NPIPB11: variants seen among roughly 807,000 people sequenced by gnomAD.
The protein encoded by NPIPB11 is nuclear pore complex interacting protein family member B11.
In NPIPB11, 17 loss-of-function variants were observed where a neutral mutation model predicts 32.8. That is an observed-to-expected ratio of 0.52 (90% CI 0.35 to 0.78). The LOEUF is 0.78. Among genes scored for constraint, NPIPB11 ranks in the 30% least tolerant of loss-of-function variants. NPIPB11 has a pLI of 0.01. For synonymous variants in NPIPB11, 209 were observed against 398.4 expected, an observed-to-expected ratio of 0.52 and a Z score of 5.66; for missense variants, 537 against 1,000.4, an observed-to-expected ratio of 0.54 and a Z score of 6.25.
chr16:29,382,306 G>T (rs776006462), exon 8 of NPIPB11: 14 of 1,590,074 alleles, frequency 8.8e-6, no homozygotes, highest in Non-Finnish European at 1.1e-5. Flanking sequence ...CTCGGCAGGT[G>T]TCTTGATATT....
chr16:29,406,538 A>T (rs1214715167), upstream of NPIPB11, among the ~76,000 whole-genome samples: 11 of 152,108 alleles, frequency 7.2e-5, no homozygotes, highest in Non-Finnish European at 1.6e-4. Context: ...ATAGAGTGAA[A>T]CCCTGTCTCC....
chr16:29,397,638 C>T (rs552382570), intron 2 of NPIPB11: 77 of 1,444,838 alleles, frequency 5.3e-5, no homozygotes, highest in Admixed American at 3.2e-4. Context: ...CCACCGCCCC[C>T]GCATGTCCTG....
At chr16:29,389,194 CAA>C (rs1166217249) in intron 5 of NPIPB11, among the ~76,000 whole-genome samples, 17 of 50,326 alleles carry the variant, frequency 3.4e-4, no homozygotes, top group South Asian at 2.6e-3. Context: ...GACTCTGTCT[CAA>C]AAAAAAAAAA....
chr16:29,393,613 A>G (rs1201599053), intron 3 of NPIPB11, among the ~76,000 whole-genome samples: 6 of 150,280 alleles, frequency 4.0e-5, no homozygotes. Flanking sequence ...CCTTCCACCC[A>G]TACGATAGAA....
intron 3 of NPIPB11, among the ~76,000 whole-genome samples, chr16:29,393,396 C>T (rs1205768100): frequency 6.6e-6 from 1 of 151,760 alleles, no homozygotes; most frequent in Non-Finnish European, 1.5e-5. Context: ...CATTTGCTGC[C>T]CCTCTAAATG....
chr16:29,391,668 G>A (rs1164835392), intron 3 of NPIPB11, among the ~76,000 whole-genome samples: 2 of 152,204 alleles, frequency 1.3e-5, no homozygotes, highest in African/African-American at 2.4e-5. Context: ...AAAATGCAAT[G>A]CAAATCCCAT....
chr16:29,382,314 A>T (rs764534998), exon 8 of NPIPB11: 2 of 1,579,590 alleles, frequency 1.3e-6, no homozygotes, highest in African/African-American at 3.0e-5. Flanking sequence ...GTGTCTTGAT[A>T]TTATCATCTG....
intron 2 of NPIPB11, among the ~76,000 whole-genome samples, chr16:29,402,999 G>A (rs1164408592): frequency 6.6e-6 from 1 of 150,610 alleles, no homozygotes; most frequent in Non-Finnish European, 1.5e-5. Flanking sequence ...ATGTACTATA[G>A]AATGTATTTA....
chr16:29,391,017 C>T (rs1309912096), intron 3 of NPIPB11, among the ~76,000 whole-genome samples: 2 of 151,138 alleles, frequency 1.3e-5, no homozygotes, highest in East Asian at 1.9e-4. Flanking sequence ...GCCTGTAATC[C>T]CAACACTTTG....
At chr16:29,399,948 C>A (rs3867589) in intron 2 of NPIPB11, among the ~76,000 whole-genome samples, 2 of 151,046 alleles carry the variant, frequency 1.3e-5, no homozygotes, top group African/African-American at 2.4e-5. Context: ...ACGGTGGCAC[C>A]CGCCTGTAAT....
intron 2 of NPIPB11, among the ~76,000 whole-genome samples, chr16:29,397,134 G>A (rs1202675986): frequency 1.3e-5 from 2 of 148,344 alleles, no homozygotes; most frequent in Admixed American, 6.7e-5. Flanking sequence ...TCTTGCCACT[G>A]CACTCCAGCC....
chr16:29,402,005 C>T (rs1183281503), intron 2 of NPIPB11, among the ~76,000 whole-genome samples: 3 of 151,392 alleles, frequency 2.0e-5, no homozygotes, highest in Non-Finnish European at 4.4e-5. Flanking sequence ...ACTAGCCTGC[C>T]GTCAGAACAT....
intron 3 of NPIPB11, among the ~76,000 whole-genome samples, chr16:29,392,045 T>C (rs1235761518): frequency 1.3e-5 from 2 of 151,998 alleles, no homozygotes; most frequent in East Asian, 3.9e-4. Context: ...AAATTCTTTG[T>C]AGAATTTGTT....
In NPIPB11 at chr16:29,397,737, A is replaced by T. The variant is rs1188128797; in HGVS notation, c.121-3661T>A. The T allele has an allele frequency of 1.3e-4, 36 of 270,892 alleles. 2 individuals carry two copies. The East Asian group carries it at 4.3e-3, about 32-fold the overall frequency. 16.8% of individuals were successfully genotyped at this position (270,892 alleles called of 1,614,324 possible). A position where few individuals can be genotyped will look rare whatever the true frequency, so the allele number is the denominator to read the frequency against. ...GGAAGGGGACGGGGACCGGGCCCGGATCTGAGTTGGGGAGGGGGAGGGGAG... is the reference window on the plus strand; with the variant it reads ...GGAAGGGGACGGGGACCGGGCCCGGTTCTGAGTTGGGGAGGGGGAGGGGAG... On this transcript the variant is annotated intron_variant, in intron 2 of 7. Coordinates refer to ENST00000524087, the Ensembl canonical transcript of NPIPB11.
At chr16:29,397,545 C>A (rs553947254) in intron 2 of NPIPB11, 46 of 1,522,054 alleles carry the variant, frequency 3.0e-5, no homozygotes, top group Non-Finnish European at 3.7e-5. Context: ...GGAAGAAACC[C>A]CGAGGGTCCA....
intron 3 of NPIPB11, among the ~76,000 whole-genome samples, chr16:29,390,616 C>T (rs933075116): frequency 2.0e-5 from 3 of 149,402 alleles, no homozygotes; most frequent in Non-Finnish European, 3.0e-5. Flanking sequence ...CACACCACTG[C>T]ACTCCAGCCT....
Position 29,390,207 on chromosome 16 carries a change from C to A in NPIPB11, c.349+42G>T, listed in dbSNP as rs555668726. 720 of 1,579,724 alleles carry A rather than the reference C, an allele frequency of 4.6e-4. 6 individuals are homozygous for A. The African/African-American group carries it at 8.7e-3, about 19-fold the overall frequency. ...GAAGCTGTTCTTTCCCTTTCCAGGG[C>A]AAACTCATTTCCACACTATGCGGAT... On this transcript the variant is annotated intron_variant, in intron 4 of 7. Coordinates refer to ENST00000524087, the Ensembl canonical transcript of NPIPB11.
intron 3 of NPIPB11, among the ~76,000 whole-genome samples, chr16:29,392,189 GTAGC>G (rs1596676790): frequency 6.6e-6 from 1 of 152,094 alleles, no homozygotes; most frequent in Admixed American, 6.6e-5. Context: ...CATAGGAAAG[GTAGC>G]TGGCCCAGTT....
chr16:29,403,158 A>T (rs2142141661), intron 2 of NPIPB11, among the ~76,000 whole-genome samples: 1 of 144,928 alleles, frequency 6.9e-6, no homozygotes, highest in South Asian at 2.3e-4. Context: ...GCCCACTAAA[A>T]CCTCCACCTC....
Sources: allele counts gnomAD v4.1 joint callset (sites outside exome capture counted in the v4.1 genomes callset), GRCh38; gene constraint gnomAD v4.1.1; transcripts MANE v1.5; gene names NCBI Gene and HGNC (gene_info 2026-07-23, HGNC 2026-07-21).